The following ARK2C variants were observed in gnomAD, a reference collection of about 807,000 sequenced individuals.
ARK2C encodes E3 ubiquitin-protein ligase ARK2C.
At chr18:46,450,654 T>A in the ARK2C span, 170 of 1,398,190 alleles carry the variant, frequency 1.2e-4, 1 homozygote, top group Middle Eastern at 5.8e-4. Flanking sequence ...TGTGTGCATG[T>A]GGGCATTTAT....
the ARK2C span, among the ~76,000 whole-genome samples, chr18:46,434,314 A>G: frequency 6.6e-6 from 1 of 152,270 alleles, no homozygotes; most frequent in Non-Finnish European, 1.5e-5. Context: ...AAAACTAAAA[A>G]GTTTTAAATA....
At chr18:46,378,546 A>G in the ARK2C span, among the ~76,000 whole-genome samples, 8 of 152,332 alleles carry the variant, frequency 5.3e-5, no homozygotes, top group East Asian at 1.5e-3. Context: ...GAGGTGTCAG[A>G]TGATCCCTCC....
the ARK2C span, among the ~76,000 whole-genome samples, chr18:46,372,454 T>A: frequency 6.6e-6 from 1 of 152,148 alleles, no homozygotes; most frequent in South Asian, 2.1e-4. Flanking sequence ...CTGAAAATAG[T>A]GACATAAAGG....
the ARK2C span, chr18:46,334,699 TGTGTGTGTGTGTGTGTGAGA>T: frequency 3.2e-6 from 1 of 316,782 alleles, no homozygotes; most frequent in Non-Finnish European, 5.4e-6. The surrounding 1 kb of genome is among the most constrained non-coding windows in gnomAD (Gnocchi z 4.4). Flanking sequence ...TGTGTGTGTG[TGTGTGTGTGTGTGTGTGAGA>T]GAGAGAGAGA....
At chr18:46,422,413 C>T in the ARK2C span, among the ~76,000 whole-genome samples, 5 of 152,178 alleles carry the variant, frequency 3.3e-5, no homozygotes, top group African/African-American at 1.2e-4. Flanking sequence ...ATACAGGAAA[C>T]AAGATTCTGA....
the ARK2C span, among the ~76,000 whole-genome samples, chr18:46,419,706 G>T: frequency 6.6e-6 from 1 of 152,188 alleles, no homozygotes; most frequent in East Asian, 1.9e-4. Context: ...CACAAGGCAG[G>T]GGCAGCCAAG....
the ARK2C span, among the ~76,000 whole-genome samples, chr18:46,420,527 G>A: frequency 2.0e-5 from 3 of 152,280 alleles, no homozygotes; most frequent in African/African-American, 7.2e-5. Context: ...GGTCCAGGTA[G>A]CCACCCTAGC....
At chr18:46,344,411 C>T in the ARK2C span, among the ~76,000 whole-genome samples, 1 of 151,578 alleles carries the variant, frequency 6.6e-6, no homozygotes, top group Non-Finnish European at 1.5e-5. Context: ...CCCCATGCCA[C>T]CCCCTCCTCA....
the ARK2C span, among the ~76,000 whole-genome samples, chr18:46,392,135 AC>A: frequency 6.6e-6 from 1 of 151,868 alleles, no homozygotes; most frequent in Admixed American, 6.6e-5. Flanking sequence ...CACAATATAC[AC>A]AACAAACACA....
the ARK2C span, chr18:46,456,056 T>A: frequency 6.2e-7 from 1 of 1,610,354 alleles, no homozygotes; most frequent in Admixed American, 1.7e-5. Context: ...TGTCTGTCTA[T>A]GCTGGAAGAT....
At chr18:46,366,184 C>T in the ARK2C span, among the ~76,000 whole-genome samples, 1 of 148,518 alleles carries the variant, frequency 6.7e-6, no homozygotes, top group Non-Finnish European at 1.5e-5. Context: ...CCCAGCTACT[C>T]GGGAGGCTGA....
chr18:46,341,058 G>C, the ARK2C span, among the ~76,000 whole-genome samples: 1 of 152,228 alleles, frequency 6.6e-6, no homozygotes, highest in East Asian at 1.9e-4. Context: ...AGGCACATGT[G>C]CAGGCCTACA....
the ARK2C span, among the ~76,000 whole-genome samples, chr18:46,434,332 A>G: frequency 6.6e-6 from 1 of 152,236 alleles, no homozygotes; most frequent in South Asian, 2.1e-4. Flanking sequence ...ATATTTATTA[A>G]TTCTCTTAAA....
At chr18:46,423,160 G>A in the ARK2C span, among the ~76,000 whole-genome samples, 2 of 152,294 alleles carry the variant, frequency 1.3e-5, no homozygotes, top group African/African-American at 4.8e-5. Context: ...CCTTTCCTTT[G>A]GGGGATGTCC....
chr18:46,456,686 C>A, the ARK2C span: 2 of 1,307,134 alleles, frequency 1.5e-6, no homozygotes, highest in Non-Finnish European at 2.2e-6. Flanking sequence ...GGTCCCCCCA[C>A]GGCCATAGCC....
chr18:46,420,455 G>C, the ARK2C span, among the ~76,000 whole-genome samples: 1 of 152,204 alleles, frequency 6.6e-6, no homozygotes. Flanking sequence ...ATAGGAAGGG[G>C]CCCCATCGAA....
the ARK2C span, among the ~76,000 whole-genome samples, chr18:46,445,478 G>T: frequency 6.6e-6 from 1 of 152,158 alleles, no homozygotes; most frequent in Non-Finnish European, 1.5e-5. Flanking sequence ...TTCACCCCAT[G>T]TATGCAGATC....
chr18:46,447,725 A>C, the ARK2C span: 8 of 1,613,778 alleles, frequency 5.0e-6, no homozygotes, highest in Non-Finnish European at 6.8e-6. Flanking sequence ...CCTTGCGCCT[A>C]TTGAGTGCCA....
the ARK2C span, among the ~76,000 whole-genome samples, chr18:46,417,481 C>T: frequency 1.3e-5 from 2 of 152,360 alleles, no homozygotes; most frequent in African/African-American, 4.8e-5. Context: ...TCTGTCTGCC[C>T]AGAAAGCACT....
Sources: allele counts gnomAD v4.1 joint callset (sites outside exome capture counted in the v4.1 genomes callset), GRCh38; gene constraint gnomAD v4.1.1; non-coding constraint Gnocchi (gnomAD v3.1); transcripts MANE v1.5; gene names NCBI Gene and HGNC (gene_info 2026-07-23, HGNC 2026-07-21).